The following DKK2 variants were observed in gnomAD, a reference collection of about 807,000 sequenced individuals.
DKK2 encodes the protein dickkopf-related protein 2.
Under a neutral mutation model 28.1 loss-of-function variants are expected in DKK2, and 11 were observed. The observed-to-expected ratio is 0.39, with a 90% CI of 0.25 to 0.65. DKK2 has a LOEUF of 0.65. Ranked by LOEUF, DKK2 falls within the 30% of genes least tolerant of loss-of-function variation. The pLI is 0.47. For missense variants in DKK2, 326 were observed against 335.5 expected, an observed-to-expected ratio of 0.97 and a Z score of 0.22; for synonymous variants, 135 against 126.5, an observed-to-expected ratio of 1.07 and a Z score of -0.45.
At position 106,940,574 on chromosome 4, in the gene DKK2, G is replaced by A. The variant is rs1023120500; in HGVS notation, c.223-14625C>T. Among the ~76,000 whole-genome samples, 18 of 150,548 alleles carry A rather than the reference G, an allele frequency of 1.2e-4. No individual in the cohort carries two copies. In the South Asian group the frequency reaches 1.9e-3, roughly 16 times the overall value. On this transcript the variant is annotated intron_variant, in intron 1 of 3. Transcript: ENST00000285311. ...GGCGATTCCTCAGGGATCTAGAACT[G>A]GAAATACCATTTGACCCAGCCATCC... is the stretch of plus-strand genomic sequence containing the variant.
chr4:106,977,422 G>C (rs1722961503), intron 1 of DKK2, among the ~76,000 whole-genome samples: 1 of 152,098 alleles, frequency 6.6e-6, no homozygotes, highest in Non-Finnish European at 1.5e-5. Context: ...ATATTTCTTG[G>C]AGGCTTTGTT....
At chr4:107,009,805 T>C (rs1226384512) in intron 1 of DKK2, among the ~76,000 whole-genome samples, 1 of 151,732 alleles carries the variant, frequency 6.6e-6, no homozygotes, top group African/African-American at 2.4e-5. Flanking sequence ...AATCAGGCAT[T>C]TTATTACGCA....
intron 1 of DKK2, among the ~76,000 whole-genome samples, chr4:106,956,026 A>G (rs550821871): frequency 6.6e-6 from 1 of 152,274 alleles, no homozygotes; most frequent in East Asian, 1.9e-4. Flanking sequence ...GTGTTAACTC[A>G]TCCCTATTTG....
At chr4:106,936,642 G>A (rs1724593178) in intron 1 of DKK2, among the ~76,000 whole-genome samples, 1 of 152,164 alleles carries the variant, frequency 6.6e-6, no homozygotes, top group Admixed American at 6.5e-5. Context: ...CTCGAGAAGA[G>A]CAACTCCAAG....
chr4:106,997,723 G>T (rs1287722281), intron 1 of DKK2, among the ~76,000 whole-genome samples: 2 of 152,174 alleles, frequency 1.3e-5, no homozygotes, highest in Non-Finnish European at 2.9e-5. Context: ...TAATATCCAG[G>T]ACTGCAGGTA....
At chr4:107,003,996 T>C (rs1436322204) in intron 1 of DKK2, among the ~76,000 whole-genome samples, 5 of 152,160 alleles carry the variant, frequency 3.3e-5, no homozygotes, top group Admixed American at 6.5e-5. Flanking sequence ...CAGCCAAAAA[T>C]AGAATTGATG....
intron 1 of DKK2, among the ~76,000 whole-genome samples, chr4:106,938,779 C>T (rs1319839035): frequency 6.6e-6 from 1 of 151,786 alleles, no homozygotes; most frequent in Admixed American, 6.6e-5. Flanking sequence ...AAGTGGGCTT[C>T]ATCCCTGGGA....
chr4:106,944,681 C>T (rs1011724323), intron 1 of DKK2, among the ~76,000 whole-genome samples: 1 of 152,028 alleles, frequency 6.6e-6, no homozygotes, highest in Non-Finnish European at 1.5e-5. Context: ...ATGTTTACTA[C>T]ATGTTTTGAG....
Position 106,923,916 on chromosome 4 carries a change from CT to C in DKK2, c.*37del. Reference sequence around the variant, plus strand: ...ATGCTATAATGCATTAAATACACAACTTCACAGTCTGCAATTGATGATGTTC... The same window carrying C: ...ATGCTATAATGCATTAAATACACAACTCACAGTCTGCAATTGATGATGTTC... On this transcript the variant is annotated 3_prime_UTR_variant, in exon 4 of 4. Coordinates refer to ENST00000285311, the MANE Select transcript of DKK2 (RefSeq NM_014421.3). 1 of 1,607,222 alleles carries C rather than the reference CT, an allele frequency of 6.2e-7. No homozygotes were observed. The highest frequency in any genetic ancestry group is 8.5e-7 in the Non-Finnish European group (1 of 1,174,554).
Position 107,036,129 on chromosome 4 carries a change from G to A in DKK2, c.-538C>T, listed in dbSNP as rs1254711133. On this transcript the variant is annotated 5_prime_UTR_variant, in exon 1 of 4. Transcript: ENST00000285311. The stretch of plus-strand genomic sequence containing the variant: ...CAGGCGCTTTAGTAGGGGATCAGGA[G>A]ACGTCCCCGGACCGAATCCTCGAGA... The A allele has an allele frequency of 6.5e-6, 1 of 154,320 alleles. No homozygotes were observed. 9.6% of individuals were successfully genotyped at this position (154,320 alleles called of 1,614,324 possible).
chr4:106,989,127 G>A (rs1350092651), intron 1 of DKK2, among the ~76,000 whole-genome samples: 1 of 152,120 alleles, frequency 6.6e-6, no homozygotes, highest in Non-Finnish European at 1.5e-5. Flanking sequence ...GTTACTCCTG[G>A]GGTCAAGAAA....
At position 107,035,789 on chromosome 4, in the gene DKK2, A is replaced by G. The variant is rs540556682; in HGVS notation, c.-198T>C. ...TCAGGACAGAAATTAGCGGAACCCAAGCGAGACCCGCTTCTCCACCAGGAC... is the reference window on the plus strand; with the variant it reads ...TCAGGACAGAAATTAGCGGAACCCAGGCGAGACCCGCTTCTCCACCAGGAC... On this transcript the variant is annotated 5_prime_UTR_variant, in exon 1 of 4. Transcript: ENST00000285311. 1.5e-5 allele frequency: 9 copies of G among 599,240 alleles called. No homozygotes were observed. In the East Asian group the frequency reaches 2.5e-4, roughly 17 times the overall value. 37.1% of individuals were successfully genotyped at this position (599,240 alleles called of 1,614,324 possible).
intron 1 of DKK2, among the ~76,000 whole-genome samples, chr4:107,019,064 T>C (rs1723653143): frequency 6.6e-6 from 1 of 152,010 alleles, no homozygotes; most frequent in African/African-American, 2.4e-5. Context: ...AATATTATGG[T>C]CATTTTGGAT....
At chr4:106,988,440 A>T (rs1185122120) in intron 1 of DKK2, among the ~76,000 whole-genome samples, 1 of 152,198 alleles carries the variant, frequency 6.6e-6, no homozygotes, top group Non-Finnish European at 1.5e-5. Flanking sequence ...ACATTTAATC[A>T]GACAGTATTT....
chr4:106,997,172 A>G lies in DKK2; in HGVS notation c.222+38198T>C, dbSNP rs570793259. On this transcript the variant is annotated intron_variant, in intron 1 of 3. Transcript: ENST00000285311. ...ATCGTTTAGTTCCAGTTCTTTTTCC[A>G]GTTATAATACAGAGAATAACTATTC... 2.3e-3 allele frequency among the ~76,000 whole-genome samples: 345 copies of G among 152,260 alleles called. 1 individual carries two copies. Among genetic ancestry groups the G allele is most frequent in the African/African-American group, 7.9e-3 (328 of 41,560 alleles).
intron 1 of DKK2, among the ~76,000 whole-genome samples, chr4:107,016,412 T>C (rs1723606335): frequency 1.3e-5 from 2 of 151,922 alleles, no homozygotes; most frequent in Non-Finnish European, 2.9e-5. Flanking sequence ...TACCAATTCT[T>C]TTTAATGTTC....
chr4:107,026,514 GA>G (rs539101006), intron 1 of DKK2, among the ~76,000 whole-genome samples: 1 of 151,716 alleles, frequency 6.6e-6, no homozygotes, highest in African/African-American at 2.4e-5. Context: ...CTATCACAGA[GA>G]AAAAAATGGA....
chr4:107,016,515 G>A (rs995795596), intron 1 of DKK2, among the ~76,000 whole-genome samples: 1 of 151,898 alleles, frequency 6.6e-6, no homozygotes, highest in African/African-American at 2.4e-5. Context: ...GCTCTGCTCT[G>A]TCCTTATATA....
chr4:106,958,837 C>CA (rs767389620), intron 1 of DKK2, among the ~76,000 whole-genome samples: 1,065 of 66,862 alleles, frequency 0.016, 10 homozygotes, highest in African/African-American at 0.031. Flanking sequence ...AACTCAATCT[C>CA]AAAAAAAAAA....
Sources: allele counts gnomAD v4.1 joint callset (sites outside exome capture counted in the v4.1 genomes callset), GRCh38; gene constraint gnomAD v4.1.1; transcripts MANE v1.5; gene names NCBI Gene and HGNC (gene_info 2026-07-23, HGNC 2026-07-21).